The following CRHR2 variants were observed in gnomAD, a reference collection of about 807,000 sequenced individuals.
CRHR2 encodes corticotropin-releasing hormone receptor 2.
A neutral mutation model predicts 57.9 loss-of-function variants in CRHR2; 53 were observed. The observed-to-expected ratio is 0.92, with a 90% CI of 0.73 to 1.15. The LOEUF is 1.15. Ranked by LOEUF, CRHR2 falls within the 50% of genes most tolerant of loss-of-function variation. The probability of loss-of-function intolerance (pLI) is 0.00; values close to 1 mark genes in which losing one functional copy is unlikely to be tolerated. For synonymous variants in CRHR2, 213 were observed against 220.9 expected, an observed-to-expected ratio of 0.96 and a Z score of 0.32; for missense variants, 532 against 542.6, an observed-to-expected ratio of 0.98 and a Z score of 0.19.
intron 2 of CRHR2, among the ~76,000 whole-genome samples, chr7:30,672,332 G>C (rs1026755774): frequency 8.5e-5 from 13 of 152,242 alleles, no homozygotes; most frequent in African/African-American, 3.1e-4. Flanking sequence ...ACCAGCCCAG[G>C]TTCTCTGGAG....
chr7:30,690,826 G>T (rs776887029), intron 1 of CRHR2, among the ~76,000 whole-genome samples: 1 of 152,180 alleles, frequency 6.6e-6, no homozygotes, highest in Non-Finnish European at 1.5e-5. Context: ...CTGCACCTGT[G>T]TTCTGCCAAA....
chr7:30,661,886 T>C (rs1038750692), intron 7 of CRHR2, among the ~76,000 whole-genome samples: 10 of 152,246 alleles, frequency 6.6e-5, no homozygotes, highest in African/African-American at 2.4e-4. Context: ...GAGGAGGCCT[T>C]ACAAAGACCA....
chr7:30,682,697 C>G (rs868203978), upstream of CRHR2: 24 of 198,318 alleles, frequency 1.2e-4, no homozygotes, highest in Middle Eastern at 2.5e-3. Context: ...TGACGGAATG[C>G]TCTGTGCGGG....
intron 7 of CRHR2, among the ~76,000 whole-genome samples, chr7:30,661,341 C>T (rs983104827): frequency 6.6e-6 from 1 of 152,208 alleles, no homozygotes; most frequent in Non-Finnish European, 1.5e-5. Flanking sequence ...AGACCTGCCT[C>T]AGATAGGATT....
rs765014903 is a variant in CRHR2, at chr7:30,667,228, C to T, written c.315G>A (p.Lys105=). ...GTCACAGCAGGTGAGGGCCACTCAC[C>T]TTGTCATCCAAAATGGGCTCACACT... ...YSQCEPILDD[K]QRKYDLHYRI... Residue 105 remains lysine, a splice_region_variant and synonymous_variant, in exon 3 of 12, where the codon AAG becomes AAA. Coordinates refer to ENST00000471646, the MANE Select transcript of CRHR2 (RefSeq NM_001883.5). The T allele has an allele frequency of 1.2e-6, 2 of 1,614,018 alleles. No individual in the cohort carries two copies. The highest frequency in any genetic ancestry group is 1.7e-5 in the Admixed American group (1 of 60,026).
chr7:30,661,723 A>G (rs963341764), intron 7 of CRHR2, among the ~76,000 whole-genome samples: 4 of 152,104 alleles, frequency 2.6e-5, no homozygotes, highest in Non-Finnish European at 5.9e-5. Flanking sequence ...AGGATGGGAC[A>G]CTGCACCCAG....
At chr7:30,686,755 G>T, upstream of CRHR2, 1 of 347,642 alleles carries the variant, frequency 2.9e-6, no homozygotes, top group Non-Finnish European at 5.5e-6. Context: ...GAATAAAATA[G>T]AAATAATCTA....
chr7:30,655,351 C>T (rs910226269), intron 10 of CRHR2, among the ~76,000 whole-genome samples: 3 of 152,172 alleles, frequency 2.0e-5, no homozygotes, highest in Non-Finnish European at 4.4e-5. Flanking sequence ...CTGCCTGCAT[C>T]CTCAGAACAG....
chr7:30,665,647 G>A lies in CRHR2; in HGVS notation c.316-8C>T, dbSNP rs1378160986. On this transcript the variant is annotated splice_region_variant and splice_polypyrimidine_tract_variant and intron_variant, in intron 3 of 11. Transcript: ENST00000471646. The surrounding 1 kb of genome is among the most constrained non-coding windows in gnomAD (Gnocchi z 4.5). ...CAGGTCATACTTCCTCTGCTGGACAGACAGACATGGGCAGGGCAGATGGAG... is the reference window on the plus strand; with the variant it reads ...CAGGTCATACTTCCTCTGCTGGACAAACAGACATGGGCAGGGCAGATGGAG... 1 of 1,553,576 alleles carries A rather than the reference G, an allele frequency of 6.4e-7. No individual in the cohort carries two copies. Among genetic ancestry groups the A allele is most frequent in the Non-Finnish European group, 8.7e-7 (1 of 1,147,634 alleles).
chr7:30,665,765 G>A lies in CRHR2; in HGVS notation c.316-126C>T, dbSNP rs1042051582. The A allele has an allele frequency of 1.3e-4, 98 of 729,400 alleles. No individual in the cohort carries two copies. The highest frequency in any genetic ancestry group is 5.6e-4 in the Admixed American group (21 of 37,774). 45.2% of individuals were successfully genotyped at this position (729,400 alleles called of 1,614,324 possible). On this transcript the variant is annotated intron_variant, in intron 3 of 11. Transcript: ENST00000471646. The surrounding 1 kb of genome is among the most constrained non-coding windows in gnomAD (Gnocchi z 4.5). The stretch of plus-strand genomic sequence containing the variant: ...CAGAAGTGCTCCAGGTGTCATTGCC[G>A]TGCCTGGCTCTTAGGGTTCGTTCCT...
At chr7:30,687,123 T>C (rs765201371), upstream of CRHR2, among the ~76,000 whole-genome samples, 61 of 152,298 alleles carry the variant, frequency 4.0e-4, no homozygotes, top group Non-Finnish European at 7.5e-4. Context: ...CTAAAAGATA[T>C]AGTGTTTGGT....
chr7:30,681,967 G>T lies in CRHR2; in HGVS notation c.177C>A (p.Leu59=), dbSNP rs781636015. Reference sequence around the variant, plus strand: ...AGTACTCGGGGCACGGCCTCTCCACGAGGGCTCCGGCAGCGCTGCGGGGCC... The same window carrying T: ...AGTACTCGGGGCACGGCCTCTCCACTAGGGCTCCGGCAGCGCTGCGGGGCC... ...TCWPRSAAGA[L]VERPCPEYFN... Residue 59 remains leucine (L), a synonymous_variant, in exon 2 of 12, where the codon CTC becomes CTA. Transcript: ENST00000471646. 1.9e-6 allele frequency: 3 copies of T among 1,611,352 alleles called. No individual in the cohort carries two copies. Among genetic ancestry groups the T allele is most frequent in the Non-Finnish European group, 1.7e-6 (2 of 1,179,222 alleles).
intron 2 of CRHR2, among the ~76,000 whole-genome samples, chr7:30,670,437 T>C (rs1262071513): frequency 2.0e-5 from 3 of 152,162 alleles, no homozygotes; most frequent in Non-Finnish European, 2.9e-5. Context: ...GACAGAGCCA[T>C]TGAGGAAATG....
Position 30,681,918 on chromosome 7 carries a change from T to A in CRHR2, c.226A>T (p.Thr76Ser). 6.2e-7 allele frequency: 1 copy of A among 1,609,650 alleles called. No individual in the cohort carries two copies. Among genetic ancestry groups the A allele is most frequent in the Non-Finnish European group, 8.5e-7 (1 of 1,178,400 alleles). ...EYFNGVKYNT[T>S]RNAYRECLEN... ...AGCGAGGGCCGGGGGCACTCACGGGTCGTGTTGTACTTGACGCCGTTGAAG... is the reference window on the plus strand; with the variant it reads ...AGCGAGGGCCGGGGGCACTCACGGGACGTGTTGTACTTGACGCCGTTGAAG... Residue 76 changes from threonine (T) to serine (S), a missense_variant, in exon 2 of 12, where the codon ACC becomes TCC. By Grantham distance (58) the Thr-to-Ser change is moderately conservative. Coordinates refer to ENST00000471646, the MANE Select transcript of CRHR2 (RefSeq NM_001883.5).
chr7:30,653,624 C>A lies in CRHR2; in HGVS notation c.1096-24G>T. 1 of 1,594,930 alleles carries A rather than the reference C, an allele frequency of 6.3e-7. No individual in the cohort carries two copies. The highest frequency in any genetic ancestry group is 8.5e-7 in the Non-Finnish European group (1 of 1,173,920). ...ACCTGTGGGGAAGGCAGAGGCTCAG[C>A]TGGCTCCCAGGGACCAACCCTGGGC... On this transcript the variant is annotated intron_variant, in intron 11 of 11. Transcript: ENST00000471646. This position sits in a 1 kb window ranked among gnomAD's most constrained non-coding sequence, Gnocchi z 5.0.
intron 2 of CRHR2, among the ~76,000 whole-genome samples, chr7:30,672,612 G>C (rs569583377): frequency 1.3e-5 from 2 of 152,316 alleles, no homozygotes; most frequent in South Asian, 4.1e-4. Flanking sequence ...ACATGCAGGA[G>C]GAAGCAAGGT....
chr7:30,671,802 GTGATGATGATGA>G (rs10577644), intron 2 of CRHR2, among the ~76,000 whole-genome samples: 70,812 of 143,802 alleles, frequency 0.49, 20,731 homozygotes, highest in Non-Finnish European at 0.65. Flanking sequence ...GTGAGACCCT[GTGATGATGATGA>G]TGATGATGAT....
intron 8 of CRHR2, 142 bp downstream of exon 8, chr7:30,660,431 G>T: frequency 1.3e-6 from 1 of 785,890 alleles, no homozygotes; most frequent in South Asian, 1.8e-5. Flanking sequence ...GCACAGGGTG[G>T]CATGGACAGG....
chr7:30,690,581 A>T (rs754320986), intron 1 of CRHR2, among the ~76,000 whole-genome samples: 6 of 152,056 alleles, frequency 3.9e-5, no homozygotes, highest in Non-Finnish European at 8.8e-5. Flanking sequence ...CAGCTGGGTC[A>T]ATGTTTGCCC....
Sources: gnomAD v4.1 joint callset for allele counts (sites outside exome capture counted in the v4.1 genomes callset) on GRCh38, gnomAD v4.1.1 for gene constraint, Gnocchi (gnomAD v3.1) non-coding constraint, MANE v1.5 for transcripts, NCBI Gene and HGNC (gene_info 2026-07-23, HGNC 2026-07-21) for gene names.